Variants in FBXL18 observed in about 807,000 individuals in gnomAD.
FBXL18 encodes F-box and leucine rich repeat protein 18, also known as F-box/LRR-repeat protein 18.
FBXL18 carries 36 observed loss-of-function variants against 46.0 expected under a neutral mutation model. The ratio of observed to expected loss-of-function variants is 0.78; its 90% CI spans 0.60 to 1.03. The LOEUF is 1.03. Ranked by LOEUF, FBXL18 falls within the 50% of genes least tolerant of loss-of-function variation. FBXL18 has a pLI of 0.00. For missense variants in FBXL18, 977 were observed against 1,004.1 expected, an observed-to-expected ratio of 0.97 and a Z score of 0.36; for synonymous variants, 557 against 465.3, an observed-to-expected ratio of 1.20 and a Z score of -2.54.
chr7:5,481,966 G>A (rs1783659314), intron 4 of FBXL18, 35 bp from the exon 5 acceptor site: 2 of 1,569,708 alleles, frequency 1.3e-6, no homozygotes, highest in Non-Finnish European at 1.7e-6. Flanking sequence ...GGATTACATG[G>A]GTGGCCACGG....
rs545573197 is a variant in FBXL18 at position 5,470,402 on chromosome 7, G to T, written c.2000+20829C>A. Among the ~76,000 whole-genome samples, 7 of 152,126 alleles carry T rather than the reference G, an allele frequency of 4.6e-5. No homozygotes were observed. In the South Asian group the frequency reaches 1.5e-3, roughly 32 times the overall value. ...AGCGCAGGCCCGGGCAGCTGCCCCA[G>T]CTCCTGGACCCTCCACATCAGAGTT... On this transcript the variant is annotated intron_variant and NMD_transcript_variant, in intron 4 of 6. Coordinates refer to the FBXL18 transcript ENST00000415009.
chr7:5,513,738 T>C lies in FBXL18; in HGVS notation c.-64A>G. On this transcript the variant is annotated 5_prime_UTR_variant, in exon 1 of 5. Transcript: ENST00000382368. The stretch of plus-strand genomic sequence containing the variant: ...ACCCCGTGCCTCCCACCTGCCCGGC[T>C]AGGGATGCTCGAAGCCGGCGCGTCC... The C allele has an allele frequency of 1.3e-6, 2 of 1,568,852 alleles. No individual in the cohort carries two copies. Among genetic ancestry groups the C allele is most frequent in the African/African-American group, 1.4e-5 (1 of 73,676 alleles).
At chr7:5,499,098 C>T (rs10225472) in intron 3 of FBXL18, among the ~76,000 whole-genome samples, 56 of 152,180 alleles carry the variant, frequency 3.7e-4, no homozygotes, top group African/African-American at 1.3e-3. Context: ...ACCTCCTCCC[C>T]GCTCTGGGAT....
At chr7:5,495,109 G>A (rs916679258) in intron 3 of FBXL18, among the ~76,000 whole-genome samples, 7 of 152,180 alleles carry the variant, frequency 4.6e-5, no homozygotes, top group African/African-American at 1.7e-4. Context: ...GGAGGATGGG[G>A]ACGAGGAAAA....
downstream of FBXL18, among the ~76,000 whole-genome samples, chr7:5,471,026 G>A (rs534466851): frequency 1.3e-3 from 202 of 152,296 alleles, no homozygotes; most frequent in Non-Finnish European, 2.3e-3. Context: ...TGTGCGACAC[G>A]CTAACCACCA....
chr7:5,463,728 A>ATTTATTTTTTTTTTTTTTTTTTTT (rs1562672288), intron 4 of FBXL18, among the ~76,000 whole-genome samples: 7 of 53,034 alleles, frequency 1.3e-4, no homozygotes, highest in Non-Finnish European at 2.0e-4. Flanking sequence ...TTATTTATTT[A>ATTTATTTTTTTTTTTTTTTTTTTT]TTTTTTTTTT....
chr7:5,506,288 ACCC>A (rs1784393413), intron 1 of FBXL18, among the ~76,000 whole-genome samples: 1 of 124,010 alleles, frequency 8.1e-6, no homozygotes, highest in Admixed American at 9.0e-5. Flanking sequence ...TTGCTTTGTC[ACCC>A]AGGGTGGAGT....
intron 3 of FBXL18, among the ~76,000 whole-genome samples, chr7:5,500,088 T>G (rs1004943458): frequency 2.2e-3 from 99 of 44,138 alleles, no homozygotes; most frequent in Admixed American, 3.7e-3. Context: ...TAAATAAAAT[T>G]TAAATTAAAA....
At chr7:5,509,421 C>T (rs867708751) in intron 1 of FBXL18, among the ~76,000 whole-genome samples, 39 of 152,114 alleles carry the variant, frequency 2.6e-4, no homozygotes, top group African/African-American at 7.9e-4. Flanking sequence ...TGGACAGGCG[C>T]GGTGGCTCAC....
Position 5,500,738 on chromosome 7 carries a change from G to T in FBXL18, c.1531C>A (p.Pro511Thr). Residue 511 changes from proline (P) to threonine (T), a missense_variant, in exon 3 of 5, where the codon CCA becomes ACA. Pro to Thr is a conservative substitution (Grantham distance 38, BLOSUM62 -1). Coordinates refer to ENST00000382368, the MANE Select transcript of FBXL18 (RefSeq NM_024963.6). ...RNEPAIRNSL[P>T]PCSRAQSVGD... ...ACACTCTGTGCGCGGCTGCAGGGTG[G>T]GAGCGAGTTGCGGATGGCGGGCTCG... 6.2e-7 allele frequency: 1 copy of T among 1,612,490 alleles called. No individual in the cohort carries two copies. The highest frequency in any genetic ancestry group is 8.5e-7 in the Non-Finnish European group (1 of 1,179,684).
chr7:5,486,522 G>A (rs1039795531), intron 4 of FBXL18, among the ~76,000 whole-genome samples: 4 of 151,944 alleles, frequency 2.6e-5, no homozygotes, highest in African/African-American at 4.8e-5. Flanking sequence ...GAGTGGTGGC[G>A]TGCACCTGTA....
At chr7:5,470,498 G>A (rs1045847690) in intron 4 of FBXL18, among the ~76,000 whole-genome samples, 4 of 152,282 alleles carry the variant, frequency 2.6e-5, no homozygotes, top group East Asian at 3.9e-4. Context: ...TGGGAAACCC[G>A]CAGTTCTGAG....
At chr7:5,473,063 T>C (rs1026850196), downstream of FBXL18, among the ~76,000 whole-genome samples, 5 of 151,966 alleles carry the variant, frequency 3.3e-5, no homozygotes, top group African/African-American at 9.7e-5. Flanking sequence ...CCCCACCCAC[T>C]GCCCAATTCC....
At chr7:5,485,918 G>C (rs987259824) in intron 4 of FBXL18, among the ~76,000 whole-genome samples, 1 of 152,058 alleles carries the variant, frequency 6.6e-6, no homozygotes, top group African/African-American at 2.4e-5. Context: ...AATTAGCCGG[G>C]CGTGGTGGCA....
At chr7:5,484,226 G>A (rs527308007) in intron 4 of FBXL18, among the ~76,000 whole-genome samples, 1 of 152,292 alleles carries the variant, frequency 6.6e-6, no homozygotes, top group South Asian at 2.1e-4. Flanking sequence ...CCAGCACTTT[G>A]GGAGGCCAAG....
intron 3 of FBXL18, 83 bp from the exon 4 acceptor site, chr7:5,491,532 G>A (rs1161967902): frequency 8.2e-7 from 1 of 1,216,072 alleles, no homozygotes; most frequent in African/African-American, 1.5e-5. Flanking sequence ...TGCTGCCAGT[G>A]GAAGCTTCCT....
chr7:5,490,300 G>C, intron 4 of FBXL18: 1 of 1,183,980 alleles, frequency 8.4e-7, no homozygotes, highest in Non-Finnish European at 1.1e-6. Flanking sequence ...GATCACTCCA[G>C]CAGTCAGCCC....
chr7:5,465,792 T>C (rs950106813), intron 4 of FBXL18, among the ~76,000 whole-genome samples: 1 of 151,786 alleles, frequency 6.6e-6, no homozygotes, highest in Non-Finnish European at 1.5e-5. Flanking sequence ...TACACCCATG[T>C]ACAAAAGCTG....
At position 5,501,603 on chromosome 7, in the gene FBXL18, G is replaced by C. The variant is rs1249952924; in HGVS notation, c.666C>G (p.Ser222Arg). ...GCAGGTTCTGGTAGTGCGGCACGTT[G>C]CTCTGGCCCACCATAAGCTGGCCCG... ...ILSGQLMVGQSNVPHYQNLRV... is the reference protein window; with the variant it reads ...ILSGQLMVGQRNVPHYQNLRV... The change falls in exon 3 of 5, where the codon AGC becomes AGG. Residue 222 changes from serine to arginine, a missense_variant. By Grantham distance (110) the Ser-to-Arg change is moderately radical. Transcript: ENST00000382368. The C allele has an allele frequency of 6.2e-7, 1 of 1,613,844 alleles. No individual in the cohort carries two copies. The highest frequency in any genetic ancestry group is 1.7e-5 in the Admixed American group (1 of 60,018).
Sources: allele counts gnomAD v4.1 joint callset (sites outside exome capture counted in the v4.1 genomes callset), GRCh38; gene constraint gnomAD v4.1.1; transcripts MANE v1.5; gene names NCBI Gene and HGNC (gene_info 2026-07-23, HGNC 2026-07-21).